Variants in DCTD observed in about 807,000 individuals in gnomAD.
DCTD encodes deoxycytidylate deaminase.
In DCTD, 23 loss-of-function variants were observed where a neutral mutation model predicts 21.0. The observed-to-expected ratio is 1.09, with a 90% CI of 0.79 to 1.55. The LOEUF is 1.55. Ranked by LOEUF, DCTD falls within the 40% of genes most tolerant of loss-of-function variation. DCTD has a pLI of 0.00. For missense variants in DCTD, 224 were observed against 230.0 expected, an observed-to-expected ratio of 0.97 and a Z score of 0.17; for synonymous variants, 71 against 81.1, an observed-to-expected ratio of 0.88 and a Z score of 0.67.
intron 3 of DCTD, among the ~76,000 whole-genome samples, chr4:182,901,792 A>C (rs1007395947): frequency 3.9e-5 from 6 of 152,028 alleles, no homozygotes; most frequent in Non-Finnish European, 8.8e-5. Context: ...AAAAAAAAAA[A>C]AACTCAGTAA....
At chr4:182,892,585 C>T (rs765711927) in intron 5 of DCTD, among the ~76,000 whole-genome samples, 57 of 151,884 alleles carry the variant, frequency 3.8e-4, no homozygotes, top group Admixed American at 2.0e-3. Flanking sequence ...GCCAGGATCG[C>T]ACCACTGCAC....
chr4:182,901,777 TAAAA>T (rs33920727), intron 3 of DCTD, among the ~76,000 whole-genome samples: 1 of 139,698 alleles, frequency 7.2e-6, no homozygotes, highest in Non-Finnish European at 1.6e-5. Flanking sequence ...ACCTGTGCAT[TAAAA>T]AAAAAAAAAA....
rs375880033 is a variant in DCTD at position 182,891,491 on chromosome 4, C to G, written c.459-14G>C. ...GGTATGAATTTCCTAAAAATAAAAA[C>G]AAAATACAATTATTATCTGGTGAGT... On this transcript the variant is annotated splice_polypyrimidine_tract_variant and intron_variant, in intron 5 of 5. Coordinates refer to ENST00000438320, the MANE Select transcript of DCTD (RefSeq NM_001921.3). The G allele has an allele frequency of 1.3e-6, 2 of 1,573,100 alleles. No individual in the cohort carries two copies. The highest frequency in any genetic ancestry group is 1.7e-6 in the Non-Finnish European group (2 of 1,144,046).
At chr4:182,914,535 T>A (rs1738340335) in intron 3 of DCTD, among the ~76,000 whole-genome samples, 1 of 152,164 alleles carries the variant, frequency 6.6e-6, no homozygotes, top group African/African-American at 2.4e-5. Context: ...CGACCCTGCT[T>A]CCAAGTAGTA....
intron 3 of DCTD, among the ~76,000 whole-genome samples, chr4:182,899,696 C>T (rs770879417): frequency 2.0e-5 from 3 of 152,242 alleles, no homozygotes; most frequent in African/African-American, 7.2e-5. Context: ...CCACCGCGCC[C>T]GGCCAGTCAC....
intron 5 of DCTD, 38 bp downstream of exon 5, chr4:182,892,993 C>T (rs1734062846): frequency 5.5e-6 from 7 of 1,282,526 alleles, no homozygotes; most frequent in Non-Finnish European, 7.9e-6. Context: ...TCAGCCTTCA[C>T]CCTACCCCGT....
chr4:182,915,443 C>G lies in DCTD; in HGVS notation c.108+18G>C, dbSNP rs369031647. 2 of 1,487,962 alleles carry G rather than the reference C, an allele frequency of 1.3e-6. No individual in the cohort carries two copies. Among genetic ancestry groups the G allele is most frequent in the African/African-American group, 2.8e-5 (2 of 72,570 alleles). 92.2% of individuals were successfully genotyped at this position (1,487,962 alleles called of 1,614,324 possible). A position where few individuals can be genotyped will look rare whatever the true frequency, so the allele number is the denominator to read the frequency against. On this transcript the variant is annotated intron_variant, in intron 2 of 5. Coordinates refer to ENST00000438320, the MANE Select transcript of DCTD (RefSeq NM_001921.3). ...TTGCCTGTGAGTATCTAAGCATTCT[C>G]CCGTGAAATTCATTTACCTGGGAAT...
chr4:182,914,797 C>T (rs1239507256), intron 3 of DCTD, 126 bp downstream of exon 3: 1 of 1,097,626 alleles, frequency 9.1e-7, no homozygotes, highest in South Asian at 1.5e-5. Context: ...TGGGGTAGTT[C>T]AGTAGGATAC....
intron 5 of DCTD, 120 bp downstream of exon 5, chr4:182,892,911 A>G: frequency 1.5e-6 from 1 of 659,508 alleles, no homozygotes; most frequent in Non-Finnish European, 2.7e-6. Context: ...ATGCCCTTGC[A>G]TTTCTAAAGA....
chr4:182,901,945 C>T (rs1447001569), intron 3 of DCTD, among the ~76,000 whole-genome samples: 1 of 152,160 alleles, frequency 6.6e-6, no homozygotes, highest in Non-Finnish European at 1.5e-5. Context: ...GGAGCACCTG[C>T]ACCCCTGCCC....
chr4:182,909,415 A>C (rs948014733), intron 3 of DCTD, among the ~76,000 whole-genome samples: 2 of 152,202 alleles, frequency 1.3e-5, no homozygotes, highest in Non-Finnish European at 2.9e-5. Context: ...AGTTGTTCAA[A>C]GGTTTTCCAT....
rs1736261040 is a variant in DCTD, at chr4:182,904,263, C to T, written c.245-9658G>A. Among the ~76,000 whole-genome samples the T allele has an allele frequency of 2.6e-5, 4 of 152,172 alleles. No individual in the cohort carries two copies. The South Asian group carries it at 6.2e-4, about 24-fold the overall frequency. ...TCTAATTACACTGCCTCCCTATGGG[C>T]TAAGGGCACACAATCAGGTCAGGAG... On this transcript the variant is annotated intron_variant, in intron 3 of 5. Coordinates refer to ENST00000438320, the MANE Select transcript of DCTD (RefSeq NM_001921.3).
At position 182,891,062 on chromosome 4, in the gene DCTD, C is replaced by T. The variant is rs1409169401; in HGVS notation, c.*337G>A. The T allele has an allele frequency of 1.2e-5, 3 of 240,502 alleles. No individual in the cohort carries two copies. Among genetic ancestry groups the T allele is most frequent in the Non-Finnish European group, 2.4e-5 (3 of 124,316 alleles). 14.9% of individuals were successfully genotyped at this position (240,502 alleles called of 1,614,324 possible). On this transcript the variant is annotated 3_prime_UTR_variant, in exon 6 of 6. Coordinates refer to ENST00000438320, the MANE Select transcript of DCTD (RefSeq NM_001921.3). Reference sequence around the variant, plus strand: ...ACATGTAGCAGTGAAGAGAGGCTGCCGGATCGCAGCAGATGACAGACAGCT... The same window carrying T: ...ACATGTAGCAGTGAAGAGAGGCTGCTGGATCGCAGCAGATGACAGACAGCT...
At chr4:182,910,349 T>C (rs1398465164) in intron 3 of DCTD, among the ~76,000 whole-genome samples, 1 of 152,214 alleles carries the variant, frequency 6.6e-6, no homozygotes, top group African/African-American at 2.4e-5. Flanking sequence ...ATTTGTAAAC[T>C]ATATCATCAA....
At chr4:182,895,353 G>C (rs1222576068) in intron 3 of DCTD, among the ~76,000 whole-genome samples, 6 of 152,176 alleles carry the variant, frequency 3.9e-5, no homozygotes, top group Non-Finnish European at 8.8e-5. Flanking sequence ...TTACAGGTGT[G>C]GGCCACCATG....
At chr4:182,900,889 T>C (rs1041643552) in intron 3 of DCTD, among the ~76,000 whole-genome samples, 4 of 151,712 alleles carry the variant, frequency 2.6e-5, no homozygotes, top group African/African-American at 9.7e-5. Flanking sequence ...TATTACTAAC[T>C]GTCAGAATTC....
chr4:182,891,612 C>G, intron 5 of DCTD, 135 bp from the exon 6 acceptor site: 2 of 642,450 alleles, frequency 3.1e-6, no homozygotes, highest in Non-Finnish European at 5.5e-6. Context: ...TCTATAGGAG[C>G]CAATTATAGT....
At chr4:182,901,791 A>C (rs887884986) in intron 3 of DCTD, among the ~76,000 whole-genome samples, 10 of 152,106 alleles carry the variant, frequency 6.6e-5, no homozygotes, top group African/African-American at 2.4e-4. Flanking sequence ...AAAAAAAAAA[A>C]AAACTCAGTA....
At chr4:182,892,789 T>G (rs1454294239) in intron 5 of DCTD, among the ~76,000 whole-genome samples, 1 of 152,248 alleles carries the variant, frequency 6.6e-6, no homozygotes, top group East Asian at 1.9e-4. Context: ...ATAATTAGTC[T>G]AATTACCCCG....
Sources: gnomAD v4.1 joint callset for allele counts (sites outside exome capture counted in the v4.1 genomes callset) on GRCh38, gnomAD v4.1.1 for gene constraint, MANE v1.5 for transcripts, NCBI Gene and HGNC (gene_info 2026-07-23, HGNC 2026-07-21) for gene names.